The following STK32B variants were observed in gnomAD, a reference collection of about 807,000 sequenced individuals.
The protein encoded by STK32B is serine/threonine kinase 32B.
STK32B carries 43 observed loss-of-function variants against 52.6 expected under a neutral mutation model. The observed-to-expected ratio is 0.82, with a 90% confidence interval of 0.64 to 1.05. The LOEUF (loss-of-function observed/expected upper bound fraction) is 1.05. Among genes scored for constraint, STK32B ranks in the 50% least tolerant of loss-of-function variants. The pLI, the probability that STK32B is intolerant of heterozygous loss-of-function variation, is 0.00. For synonymous variants in STK32B, 238 were observed against 204.3 expected (o/e 1.17, Z -1.41); for missense variants, 621 against 534.6 (o/e 1.16, Z -1.59).
chr4:5,269,271 G>C (rs1297146413), intron 3 of STK32B, among the ~76,000 whole-genome samples: 1 of 152,134 alleles, frequency 6.6e-6, no homozygotes, highest in Non-Finnish European at 1.5e-5. Context: ...CCACCAGCCA[G>C]ACCACAAAAC....
chr4:5,416,419 A>G (rs926965817), intron 5 of STK32B, among the ~76,000 whole-genome samples: 5 of 152,138 alleles, frequency 3.3e-5, no homozygotes, highest in East Asian at 1.9e-4. Flanking sequence ...AAGGTCTCCA[A>G]TGACCATAGC....
intron 6 of STK32B, among the ~76,000 whole-genome samples, chr4:5,439,289 G>T (rs546187596): frequency 1.8e-3 from 270 of 151,476 alleles, no homozygotes; most frequent in African/African-American, 6.2e-3. Flanking sequence ...TTTAATGATT[G>T]CCATTCTAAC....
At chr4:5,170,363 G>A (rs1346120760) in intron 3 of STK32B, among the ~76,000 whole-genome samples, 1 of 151,948 alleles carries the variant, frequency 6.6e-6, no homozygotes, top group Non-Finnish European at 1.5e-5. Flanking sequence ...CAACGTGCAG[G>A]TTTGTTACAT....
At chr4:5,212,871 C>T (rs753711851) in intron 3 of STK32B, among the ~76,000 whole-genome samples, 29 of 152,122 alleles carry the variant, frequency 1.9e-4, no homozygotes, top group South Asian at 4.2e-4. Flanking sequence ...ATGACCCTGG[C>T]GGAGATAAAT....
chr4:5,492,908 G>A (rs78472203), intron 11 of STK32B, among the ~76,000 whole-genome samples: 3 of 150,338 alleles, frequency 2.0e-5, no homozygotes, highest in South Asian at 2.1e-4. Flanking sequence ...AACCAGCCTT[G>A]CATCCCAGGG....
intron 3 of STK32B, among the ~76,000 whole-genome samples, chr4:5,213,585 G>C (rs1723024418): frequency 6.6e-6 from 1 of 152,182 alleles, no homozygotes; most frequent in African/African-American, 2.4e-5. Context: ...GGTTTGGGTG[G>C]CTTAGGAAAT....
chr4:5,429,443 C>G (rs1321749428), intron 6 of STK32B, among the ~76,000 whole-genome samples: 1 of 151,786 alleles, frequency 6.6e-6, no homozygotes. Flanking sequence ...AGTTTTTATA[C>G]CTCTTTAAAA....
chr4:5,307,885 A>G (rs1560302828), intron 3 of STK32B, among the ~76,000 whole-genome samples: 1 of 151,810 alleles, frequency 6.6e-6, no homozygotes, highest in Non-Finnish European at 1.5e-5. Context: ...AACTGCAGTG[A>G]TTGTTATTTC....
At chr4:5,373,427 G>A (rs1735382069) in intron 4 of STK32B, among the ~76,000 whole-genome samples, 1 of 152,152 alleles carries the variant, frequency 6.6e-6, no homozygotes, top group Admixed American at 6.5e-5. Context: ...GTAGTAAAAA[G>A]CCAATATCTC....
chr4:5,344,897 G>C (rs996767229), intron 4 of STK32B, among the ~76,000 whole-genome samples: 4 of 151,940 alleles, frequency 2.6e-5, no homozygotes, highest in African/African-American at 9.7e-5. Context: ...GACCAGCCTG[G>C]GCAACATGGC....
intron 3 of STK32B, among the ~76,000 whole-genome samples, chr4:5,208,623 A>G (rs1722721078): frequency 6.6e-6 from 1 of 152,136 alleles, no homozygotes; most frequent in Admixed American, 6.5e-5. Context: ...TGAGCTCTGT[A>G]TGGTACCCCA....
At chr4:5,180,834 C>T (rs1452149703) in intron 3 of STK32B, among the ~76,000 whole-genome samples, 4 of 152,184 alleles carry the variant, frequency 2.6e-5, no homozygotes, top group Non-Finnish European at 5.9e-5. Context: ...CAATTTTTGC[C>T]TCTAAAGAAC....
intron 3 of STK32B, among the ~76,000 whole-genome samples, chr4:5,180,008 G>C (rs1720234154): frequency 6.6e-6 from 1 of 152,164 alleles, no homozygotes; most frequent in South Asian, 2.1e-4. Context: ...CAGGAGGTTT[G>C]TCCCATTGAG....
rs1343347472 is a variant in STK32B at position 5,395,495 on chromosome 4, A to G, written c.435-2712A>G. Among the ~76,000 whole-genome samples, 5 of 152,124 alleles carry G rather than the reference A, an allele frequency of 3.3e-5. No homozygotes were observed. The highest frequency in any genetic ancestry group is 3.3e-4 in the Admixed American group (5 of 15,270). Reference sequence around the variant, plus strand: ...CATCTACCAAAACTAGGGTCCCTCTATTAGTCTTTTTTCTAGACTCTGGTT... The same window carrying G: ...CATCTACCAAAACTAGGGTCCCTCTGTTAGTCTTTTTTCTAGACTCTGGTT... On this transcript the variant is annotated intron_variant, in intron 4 of 11. Transcript: ENST00000282908. This position sits in a 1 kb window ranked among gnomAD's most constrained non-coding sequence, Gnocchi z 4.4.
intron 3 of STK32B, among the ~76,000 whole-genome samples, chr4:5,235,275 T>C (rs1250684854): frequency 1.3e-5 from 2 of 152,226 alleles, no homozygotes; most frequent in Non-Finnish European, 2.9e-5. Context: ...CAGCAGGCAC[T>C]GGGCAGCAGA....
intron 3 of STK32B, among the ~76,000 whole-genome samples, chr4:5,194,119 C>A (rs763139806): frequency 6.6e-6 from 1 of 152,200 alleles, no homozygotes; most frequent in Non-Finnish European, 1.5e-5. Flanking sequence ...TTGATTTCAG[C>A]ACAGCCCCTT....
At chr4:5,059,010 C>T (rs1742114375) in intron 1 of STK32B, among the ~76,000 whole-genome samples, 1 of 145,850 alleles carries the variant, frequency 6.9e-6, no homozygotes, top group Non-Finnish European at 1.5e-5. Context: ...CTTGGCCTCC[C>T]AAAGTTCTGA....
At chr4:5,026,874 C>A in the STK32B span, among the ~76,000 whole-genome samples, 1 of 152,196 alleles carries the variant, frequency 6.6e-6, no homozygotes. Context: ...TTAGAAGAGT[C>A]CAGCAGCAGC....
At chr4:5,486,680 C>G (rs1560455198) in intron 11 of STK32B, among the ~76,000 whole-genome samples, 1 of 152,214 alleles carries the variant, frequency 6.6e-6, no homozygotes, top group Non-Finnish European at 1.5e-5. Context: ...GTCGCTCATG[C>G]TGGGAGCTGT....
Sources: allele counts gnomAD v4.1 joint callset (sites outside exome capture counted in the v4.1 genomes callset), GRCh38; gene constraint gnomAD v4.1.1; non-coding constraint Gnocchi (gnomAD v3.1); transcripts MANE v1.5; gene names NCBI Gene and HGNC (gene_info 2026-07-23, HGNC 2026-07-21).